Variants in MAN1C1 observed in about 807,000 individuals in gnomAD.
The protein encoded by MAN1C1 is mannosidase alpha class 1C member 1, also known as mannosyl-oligosaccharide 1,2-alpha-mannosidase IC.
MAN1C1 carries 49 observed loss-of-function variants against 71.5 expected under a neutral mutation model. That is an observed-to-expected ratio of 0.69 (90% confidence interval 0.54 to 0.87). The LOEUF (loss-of-function observed/expected upper bound fraction) is 0.87. Among genes scored for constraint, MAN1C1 ranks in the 40% least tolerant of loss-of-function variants. The pLI is 0.00. For synonymous variants in MAN1C1, 352 were observed against 343.7 expected (o/e 1.02, Z -0.27); for missense variants, 743 against 835.0 (o/e 0.89, Z 1.36).
intron 2 of MAN1C1, among the ~76,000 whole-genome samples, chr1:25,728,725 T>C (rs1352901718): frequency 6.6e-6 from 1 of 152,098 alleles, no homozygotes. Flanking sequence ...CCACACCCCA[T>C]TGGGTCCTGC....
chr1:25,666,535 G>A (rs2045927129), intron 1 of MAN1C1, among the ~76,000 whole-genome samples: 2 of 152,184 alleles, frequency 1.3e-5, no homozygotes, highest in South Asian at 4.1e-4. Flanking sequence ...CAGCTTCTCA[G>A]GGCAGCAGGT....
rs72875699 is a variant in MAN1C1, at chr1:25,764,318, G to C, written c.1141+351G>C. Reference sequence around the variant, plus strand: ...ACCCCAGGTTCTCGGGAGGGTCCCAGGTGGAGTCATCCATTCTAGAAGTGG... The same window carrying C: ...ACCCCAGGTTCTCGGGAGGGTCCCACGTGGAGTCATCCATTCTAGAAGTGG... On this transcript the variant is annotated intron_variant, in intron 7 of 11. Coordinates refer to ENST00000374332, the MANE Select transcript of MAN1C1 (RefSeq NM_020379.4). The surrounding 1 kb of genome is among the most constrained non-coding windows in gnomAD (Gnocchi z 4.4). 6.6e-6 allele frequency among the ~76,000 whole-genome samples: 1 copy of C among 152,152 alleles called. No individual in the cohort carries two copies. The highest frequency in any genetic ancestry group is 1.5e-5 in the Non-Finnish European group (1 of 68,030).
chr1:25,657,042 G>A (rs1392066096), intron 1 of MAN1C1, among the ~76,000 whole-genome samples: 1 of 152,112 alleles, frequency 6.6e-6, no homozygotes, highest in Admixed American at 6.6e-5. Context: ...AGCCAGGATG[G>A]TCTCGATCTC....
At chr1:25,760,043 C>T (rs925417690) in intron 6 of MAN1C1, 5 of 152,378 alleles carry the variant, frequency 3.3e-5, no homozygotes, top group Non-Finnish European at 7.3e-5. Flanking sequence ...ATCCCCCAAC[C>T]TCCCTGTTGC....
intron 7 of MAN1C1, among the ~76,000 whole-genome samples, chr1:25,770,234 G>C (rs906912333): frequency 2.6e-5 from 4 of 152,156 alleles, no homozygotes; most frequent in African/African-American, 9.7e-5. Flanking sequence ...GCCCTTTCCA[G>C]CTCCTCCCCA....
chr1:25,780,722 G>C, intron 9 of MAN1C1: 2 of 521,102 alleles, frequency 3.8e-6, no homozygotes, highest in Non-Finnish European at 6.9e-6. Context: ...CACATTTCCA[G>C]TCCCCGAGGG....
chr1:25,770,273 A>G (rs1249146754), intron 7 of MAN1C1, among the ~76,000 whole-genome samples: 3 of 152,102 alleles, frequency 2.0e-5, no homozygotes, highest in East Asian at 3.9e-4. Context: ...GTCTGTTCCA[A>G]TTTTTGCAGA....
chr1:25,688,628 C>A (rs1204128895), intron 2 of MAN1C1, among the ~76,000 whole-genome samples: 1 of 152,164 alleles, frequency 6.6e-6, no homozygotes, highest in Non-Finnish European at 1.5e-5. Flanking sequence ...ATGCTTGAGC[C>A]GTCTGGAATG....
intron 2 of MAN1C1, among the ~76,000 whole-genome samples, chr1:25,732,506 A>T (rs2046922338): frequency 6.6e-6 from 1 of 152,194 alleles, no homozygotes; most frequent in Non-Finnish European, 1.5e-5. Context: ...GACTTAAAAG[A>T]GGTGCTGTCT....
intron 4 of MAN1C1, among the ~76,000 whole-genome samples, chr1:25,751,773 C>T (rs981860054): frequency 6.6e-6 from 1 of 152,228 alleles, no homozygotes; most frequent in East Asian, 1.9e-4. Flanking sequence ...GAAGCAGTAA[C>T]TGGCTCCGGG....
At chr1:25,767,397 ACCC>A (rs1557799688) in intron 7 of MAN1C1, among the ~76,000 whole-genome samples, 2 of 26,062 alleles carry the variant, frequency 7.7e-5, no homozygotes, top group African/African-American at 1.0e-4. Flanking sequence ...ACACACACAC[ACCC>A]CTACCACCCC....
chr1:25,777,421 C>T (rs2047633007), intron 8 of MAN1C1, among the ~76,000 whole-genome samples: 1 of 152,156 alleles, frequency 6.6e-6, no homozygotes, highest in Non-Finnish European at 1.5e-5. Flanking sequence ...CCTCCCTTCC[C>T]ACCAAAAGGC....
chr1:25,635,357 G>T (rs1363147401), intron 1 of MAN1C1, among the ~76,000 whole-genome samples: 1 of 151,438 alleles, frequency 6.6e-6, no homozygotes, highest in East Asian at 1.9e-4. Flanking sequence ...TGTATTTCAA[G>T]AAATTTGTCT....
At chr1:25,715,920 C>A (rs1338950535) in intron 2 of MAN1C1, among the ~76,000 whole-genome samples, 1 of 152,196 alleles carries the variant, frequency 6.6e-6, no homozygotes, top group East Asian at 1.9e-4. Context: ...GGAGTAGCGA[C>A]CCCACCATCG....
At chr1:25,637,884 A>G (rs146834497) in intron 1 of MAN1C1, among the ~76,000 whole-genome samples, 11 of 134,156 alleles carry the variant, frequency 8.2e-5, no homozygotes, top group African/African-American at 2.7e-4. Context: ...TAGTGTTTGT[A>G]TGGTAGAACT....
chr1:25,749,379 G>C (rs1178592800), intron 4 of MAN1C1, 44 bp downstream of exon 4: 3 of 1,486,644 alleles, frequency 2.0e-6, no homozygotes, highest in Non-Finnish European at 2.8e-6. Flanking sequence ...AGGCTGGAAA[G>C]GGCTTTGGAG....
At position 25,693,946 on chromosome 1, in the gene MAN1C1, G is replaced by A. The variant is rs1381885607; in HGVS notation, c.637+7410G>A. On this transcript the variant is annotated intron_variant, in intron 2 of 11. Transcript: ENST00000374332. ...GTAAAACACCTGGTGTATAGTACCT[G>A]CCCATATACATTCATAAAATGTAGG... 2.0e-5 allele frequency among the ~76,000 whole-genome samples: 3 copies of A among 152,144 alleles called. No homozygotes were observed. The East Asian group carries it at 5.8e-4, about 29-fold the overall frequency.
chr1:25,681,038 T>A (rs2046144046), intron 1 of MAN1C1, among the ~76,000 whole-genome samples: 1 of 151,554 alleles, frequency 6.6e-6, no homozygotes, highest in African/African-American at 2.4e-5. Context: ...CTGACCAACA[T>A]GGAGAAACCC....
At chr1:25,755,167 A>C (rs2047269388) in intron 5 of MAN1C1, among the ~76,000 whole-genome samples, 1 of 152,092 alleles carries the variant, frequency 6.6e-6, no homozygotes, top group Admixed American at 6.5e-5. Context: ...AAGGACCCTG[A>C]GGAGAGGCCG....
Sources: gnomAD v4.1 joint callset for allele counts (sites outside exome capture counted in the v4.1 genomes callset) on GRCh38, gnomAD v4.1.1 for gene constraint, Gnocchi (gnomAD v3.1) non-coding constraint, MANE v1.5 for transcripts, NCBI Gene and HGNC (gene_info 2026-07-23, HGNC 2026-07-21) for gene names.